HTR3B: variants seen among roughly 807,000 people sequenced by gnomAD.
HTR3B encodes the protein 5-hydroxytryptamine receptor 3B.
HTR3B carries 44 observed loss-of-function variants against 42.8 expected under a neutral mutation model. The ratio of observed to expected loss-of-function variants is 1.03; its 90% CI spans 0.81 to 1.32. The LOEUF (loss-of-function observed/expected upper bound fraction) is 1.32. Ranked by LOEUF, HTR3B falls within the 40% of genes most tolerant of loss-of-function variation. The pLI, the probability that HTR3B is intolerant of heterozygous loss-of-function variation, is 0.00. For missense variants in HTR3B, 527 were observed against 536.5 expected (o/e 0.98, Z 0.17); for synonymous variants, 203 against 209.0 (o/e 0.97, Z 0.25).
intron 2 of HTR3B, among the ~76,000 whole-genome samples, chr11:113,910,473 C>G (rs11214765): frequency 2.0e-5 from 3 of 147,378 alleles, no homozygotes; most frequent in African/African-American, 7.6e-5. Flanking sequence ...CGGAGTCTCT[C>G]TCTGTCACCC....
intron 2 of HTR3B, among the ~76,000 whole-genome samples, chr11:113,925,864 GT>G (rs1309657018): frequency 2.0e-5 from 3 of 151,918 alleles, no homozygotes; most frequent in Non-Finnish European, 4.4e-5. Flanking sequence ...TAAATAGCAG[GT>G]TTTTTTGAGA....
chr11:113,945,024 C>T (rs879598960), intron 8 of HTR3B, among the ~76,000 whole-genome samples: 5 of 152,096 alleles, frequency 3.3e-5, no homozygotes, highest in South Asian at 2.1e-4. Context: ...AGGCTGGTCT[C>T]GAACTCCTAG....
At chr11:113,908,144 C>T (rs1680677627) in intron 1 of HTR3B, among the ~76,000 whole-genome samples, 1 of 152,152 alleles carries the variant, frequency 6.6e-6, no homozygotes, top group African/African-American at 2.4e-5. Context: ...TATTGCACTG[C>T]CCACAAGGAG....
At chr11:113,927,589 G>C (rs1380910417) in intron 2 of HTR3B, among the ~76,000 whole-genome samples, 2 of 150,676 alleles carry the variant, frequency 1.3e-5, no homozygotes, top group African/African-American at 4.9e-5. Flanking sequence ...TTGAGACAGA[G>C]TCTCGCTTTG....
At position 113,943,205 on chromosome 11, in the gene HTR3B, G is replaced by T; in HGVS notation, c.907+13G>T. 1 of 1,597,030 alleles carries T rather than the reference G, an allele frequency of 6.3e-7. No individual in the cohort carries two copies. The highest frequency in any genetic ancestry group is 2.2e-5 in the East Asian group (1 of 44,530). On this transcript the variant is annotated intron_variant, in intron 7 of 8. Coordinates refer to ENST00000260191, the MANE Select transcript of HTR3B (RefSeq NM_006028.5). ...ACCCCTCTGATTGGTAAGCAGCCTC[G>T]GGGTCACTGGACACTCATCTTACAT...
intron 2 of HTR3B, among the ~76,000 whole-genome samples, chr11:113,923,458 T>C (rs1949934912): frequency 6.6e-6 from 1 of 152,228 alleles, no homozygotes; most frequent in South Asian, 2.1e-4. Context: ...TATTGAGTTT[T>C]GTCAATTCCG....
intron 2 of HTR3B, among the ~76,000 whole-genome samples, chr11:113,919,717 A>G (rs1307900636): frequency 1.3e-5 from 2 of 151,870 alleles, no homozygotes. Flanking sequence ...AATCCCAGCT[A>G]CTTGGGAGAC....
chr11:113,940,102 G>A (rs894480962), intron 6 of HTR3B, among the ~76,000 whole-genome samples: 1 of 151,986 alleles, frequency 6.6e-6, no homozygotes, highest in Non-Finnish European at 1.5e-5. Context: ...GGTCAGGTTG[G>A]TCTCAAACTC....
chr11:113,906,049 A>G (rs1033568336), intron 1 of HTR3B, among the ~76,000 whole-genome samples: 2 of 152,234 alleles, frequency 1.3e-5, no homozygotes, highest in Admixed American at 1.3e-4. Context: ...AAATGAAGGT[A>G]AGAAAACAGA....
chr11:113,929,555 C>T (rs896843404), intron 2 of HTR3B, among the ~76,000 whole-genome samples: 1 of 152,050 alleles, frequency 6.6e-6, no homozygotes, highest in African/African-American at 2.4e-5. Context: ...CTTAATTACT[C>T]CCTATAAGTC....
At chr11:113,922,835 G>C (rs1228727820) in intron 2 of HTR3B, among the ~76,000 whole-genome samples, 1 of 152,174 alleles carries the variant, frequency 6.6e-6, no homozygotes, top group African/African-American at 2.4e-5. Flanking sequence ...GATTATAGGC[G>C]TGAGCTACCG....
At chr11:113,928,882 G>A (rs768310677) in intron 2 of HTR3B, among the ~76,000 whole-genome samples, 1 of 152,160 alleles carries the variant, frequency 6.6e-6, no homozygotes, top group Non-Finnish European at 1.5e-5. Flanking sequence ...TCTAATTTAT[G>A]TATAGTCCAC....
At position 113,944,748 on chromosome 11, in the gene HTR3B, G is replaced by A; in HGVS notation, c.1083G>A (p.Val361=). The A allele has an allele frequency of 6.2e-7, 1 of 1,613,638 alleles. No individual in the cohort carries two copies. Among genetic ancestry groups the A allele is most frequent in the East Asian group, 2.2e-5 (1 of 44,860 alleles). ...TGGAACCCAGGGCCCAACGTGCTGT[G>A]GTAACAGGTGTGTGAGAAGCCTTGT... is the stretch of plus-strand genomic sequence containing the variant. ...PRVEPRAQRA[V]VTESSLYGEH... The change falls in exon 8 of 9, where the codon GTG becomes GTA. Residue 361 remains valine (V), a synonymous_variant. Transcript: ENST00000260191.
rs192794978 is a variant in HTR3B at position 113,931,515 on chromosome 11, C to A, written c.258+87C>A. 4.7e-6 allele frequency: 4 copies of A among 853,988 alleles called. No homozygotes were observed. In the East Asian group the frequency reaches 7.7e-5, roughly 16 times the overall value. The allele number at this position is 853,988 out of a possible 1,614,324, so 52.9% of individuals were successfully genotyped here. On this transcript the variant is annotated intron_variant, in intron 3 of 8. Coordinates refer to ENST00000260191, the MANE Select transcript of HTR3B (RefSeq NM_006028.5). ...TAGTTATTTAAGAAATAGGTATTAT[C>A]TTTGTATTTATAGTTTCTTAGATCT...
intron 1 of HTR3B, among the ~76,000 whole-genome samples, chr11:113,906,771 T>C (rs1394072299): frequency 1.3e-5 from 2 of 152,194 alleles, no homozygotes; most frequent in African/African-American, 2.4e-5. Context: ...ACTATGCCAA[T>C]AGTCCCTCAT....
intron 2 of HTR3B, among the ~76,000 whole-genome samples, chr11:113,911,687 C>A (rs984310778): frequency 1.3e-5 from 2 of 151,382 alleles, no homozygotes; most frequent in Non-Finnish European, 2.9e-5. Flanking sequence ...CCACCACACT[C>A]GGCTTATTTT....
rs936979573 is a variant in HTR3B at position 113,949,070 on chromosome 11, G to A, written c.*2933G>A. ...CACAAAATAAAGATAAGACCTGCTTGCTATCAACAGATGGACTCCAGTCTT... is the reference window on the plus strand; with the variant it reads ...CACAAAATAAAGATAAGACCTGCTTACTATCAACAGATGGACTCCAGTCTT... On this transcript the variant is annotated 3_prime_UTR_variant, in exon 9 of 9. Coordinates refer to ENST00000260191, the MANE Select transcript of HTR3B (RefSeq NM_006028.5). Among the ~76,000 whole-genome samples, 6 of 152,172 alleles carry A rather than the reference G, an allele frequency of 3.9e-5. No homozygotes were observed. Among genetic ancestry groups the A allele is most frequent in the African/African-American group, 1.4e-4 (6 of 41,442 alleles).
At chr11:113,917,247 G>C (rs933062408) in intron 2 of HTR3B, among the ~76,000 whole-genome samples, 1 of 151,262 alleles carries the variant, frequency 6.6e-6, no homozygotes, top group South Asian at 2.1e-4. Flanking sequence ...ATTCTCCTGC[G>C]TCAGCCTGCT....
chr11:113,925,802 A>G (rs1463262918), intron 2 of HTR3B, among the ~76,000 whole-genome samples: 1 of 152,170 alleles, frequency 6.6e-6, no homozygotes, highest in Non-Finnish European at 1.5e-5. Context: ...TTATAAATTT[A>G]CTGGAAATGT....
Sources: allele counts gnomAD v4.1 joint callset (sites outside exome capture counted in the v4.1 genomes callset), GRCh38; gene constraint gnomAD v4.1.1; transcripts MANE v1.5; gene names NCBI Gene and HGNC (gene_info 2026-07-23, HGNC 2026-07-21).